Variants in HLA-DPA1 observed in about 807,000 individuals in gnomAD.
The protein encoded by HLA-DPA1 is HLA class II histocompatibility antigen, DP alpha 1 chain.
Under a neutral mutation model 21.5 loss-of-function variants are expected in HLA-DPA1, and 20 were observed. The ratio of observed to expected loss-of-function variants is 0.93; its 90% CI spans 0.66 to 1.35. The LOEUF (loss-of-function observed/expected upper bound fraction) is 1.35, where lower values mean the gene tolerates loss of function less well. Among genes scored for constraint, HLA-DPA1 ranks in the 40% most tolerant of loss-of-function variants. HLA-DPA1 has a pLI of 0.00. For synonymous variants in HLA-DPA1, 123 were observed against 129.6 expected (o/e 0.95, Z 0.35); for missense variants, 279 against 323.0 (o/e 0.86, Z 1.05).
At position 33,074,522 on chromosome 6, in the gene HLA-DPA1, C is replaced by G. The variant is rs139061250; in HGVS notation, c.-99-853G>C. 3.4e-3 allele frequency among the ~76,000 whole-genome samples: 517 copies of G among 152,162 alleles called. 3 individuals carry two copies. The highest frequency in any genetic ancestry group is 0.025 in the East Asian group (131 of 5,186). On this transcript the variant is annotated intron_variant, in intron 1 of 5. Coordinates refer to ENST00000419277, the Ensembl canonical transcript of HLA-DPA1. ...TCATTTTAAATATTTCAATTTTGAG[C>G]TATTTATTTGATACTCATAGAGAAG...
chr6:33,064,946 T>A (rs1761885218), exon 6 of HLA-DPA1: 2 of 152,118 alleles, frequency 1.3e-5, no homozygotes, highest in Non-Finnish European at 2.9e-5. Context: ...AACCACACCT[T>A]CAAGAAATAG....
chr6:33,075,218 G>A (rs1426880488), intron 1 of HLA-DPA1, among the ~76,000 whole-genome samples: 1 of 152,070 alleles, frequency 6.6e-6, no homozygotes, highest in Non-Finnish European at 1.5e-5. Flanking sequence ...AGCAATTTCA[G>A]ACCTATTGAT....
At chr6:33,073,878 C>A (rs1762412393) in intron 1 of HLA-DPA1, 1 of 305,560 alleles carries the variant, frequency 3.3e-6, no homozygotes, top group Non-Finnish European at 6.0e-6. Flanking sequence ...ATAAGTTACA[C>A]CTTCTTCTGA....
intron 1 of HLA-DPA1, among the ~76,000 whole-genome samples, chr6:33,074,380 C>T (rs1028653560): frequency 2.0e-5 from 3 of 151,996 alleles, no homozygotes; most frequent in South Asian, 2.1e-4. Context: ...TAACAATGTG[C>T]GCCCATATTT....
chr6:33,076,611 T>C (rs2071354), intron 1 of HLA-DPA1, among the ~76,000 whole-genome samples: 29,357 of 152,050 alleles, frequency 0.19, 3,463 homozygotes, highest in African/African-American at 0.32. Flanking sequence ...GGAGCCCACA[T>C]CCCTTGGACA....
intron 1 of HLA-DPA1, chr6:33,075,836 C>A: frequency 1.8e-6 from 1 of 560,826 alleles, no homozygotes; most frequent in Non-Finnish European, 3.2e-6. Flanking sequence ...ATTTTCAGAC[C>A]TTTCATACTA....
chr6:33,072,346 GT>G (rs1371714256), intron 2 of HLA-DPA1, among the ~76,000 whole-genome samples: 1 of 152,158 alleles, frequency 6.6e-6, no homozygotes, highest in Non-Finnish European at 1.5e-5. Context: ...AGGCAAGGTT[GT>G]TTTTTATCAG....
At chr6:33,069,101 C>G in exon 4 of HLA-DPA1, 2 of 1,613,048 alleles carry the variant, frequency 1.2e-6, no homozygotes, top group South Asian at 2.2e-5. Flanking sequence ...GCACAAAGGT[C>G]AGGTAATGGA....
intron 1 of HLA-DPA1, among the ~76,000 whole-genome samples, chr6:33,074,902 C>T (rs957160117): frequency 3.3e-5 from 5 of 152,194 alleles, no homozygotes; most frequent in Admixed American, 6.5e-5. Context: ...TACTAGACAC[C>T]TTCTACTACA....
intron 2 of HLA-DPA1, among the ~76,000 whole-genome samples, chr6:33,071,715 A>G (rs1370718953): frequency 6.6e-6 from 1 of 152,226 alleles, no homozygotes; most frequent in Non-Finnish European, 1.5e-5. Flanking sequence ...GTAGGTATAC[A>G]CAAGATGCGA....
rs562633363 is a variant in HLA-DPA1 at position 33,073,485 on chromosome 6, G to C, written c.86C>G (p.Ala29Gly). 8.1e-6 allele frequency: 13 copies of C among 1,611,458 alleles called. No individual in the cohort carries two copies. The South Asian group carries it at 1.4e-4, about 18-fold the overall frequency. ...TGAGCACTCACCCTTGATGGCCCCAGCTCCTCGGAGACTCAGCAGGAAAGC... is the reference window on the plus strand; with the variant it reads ...TGAGCACTCACCCTTGATGGCCCCACCTCCTCGGAGACTCAGCAGGAAAGC... Residue 29 changes from alanine to glycine, a missense_variant, in exon 2 of 6, where the codon GCT becomes GGT. By Grantham distance (60) the Ala-to-Gly change is moderately conservative (BLOSUM62 0). Transcript: ENST00000419277.
At chr6:33,073,514 G>C in exon 2 of HLA-DPA1, 1 of 1,613,032 alleles carries the variant, frequency 6.2e-7, no homozygotes, top group Non-Finnish European at 8.5e-7. Context: ...GGAAAGCCAA[G>C]GAGAGGGCTC....
chr6:33,069,295 G>T (rs1762134780), exon 4 of HLA-DPA1: 5 of 1,611,980 alleles, frequency 3.1e-6, no homozygotes, highest in Non-Finnish European at 4.2e-6. Context: ...GTCACCTCAG[G>T]GGGATCTGGA....
chr6:33,079,595 T>G (rs879241208), intron 1 of HLA-DPA1: 1 of 441,858 alleles, frequency 2.3e-6, no homozygotes, highest in South Asian at 1.8e-5. Context: ...TCGTAGAAGG[T>G]CCAAGGGCCA....
Position 33,069,467 on chromosome 6 carries a change from C to T in HLA-DPA1, c.347-167G>A, listed in dbSNP as rs896773283. 5.7e-5 allele frequency: 59 copies of T among 1,043,196 alleles called. 1 individual carries two copies. The highest frequency in any genetic ancestry group is 8.3e-5 in the Non-Finnish European group (59 of 709,128). The allele number at this position is 1,043,196 out of a possible 1,614,324, so 64.6% of individuals were successfully genotyped here. A position where few individuals can be genotyped will look rare whatever the true frequency, so the allele number is the denominator to read the frequency against. On this transcript the variant is annotated intron_variant, in intron 3 of 5. Coordinates refer to ENST00000419277, the Ensembl canonical transcript of HLA-DPA1. ...CCAGCCTCACTCTGCTCACCTTTCT[C>T]TCTCCTGAGAAGAGAGGATGCAAGC...
At chr6:33,070,401 A>T (rs58510921) in intron 2 of HLA-DPA1, among the ~76,000 whole-genome samples, 43,378 of 151,860 alleles carry the variant, frequency 0.29, 8,097 homozygotes, top group East Asian at 0.66. Flanking sequence ...TCCCATTAAG[A>T]TCTTAATTTT....
intron 1 of HLA-DPA1, among the ~76,000 whole-genome samples, chr6:33,074,066 T>C (rs1762420392): frequency 6.6e-6 from 1 of 152,216 alleles, no homozygotes. Context: ...TAATAAAATA[T>C]ATAATTAATC....
At chr6:33,069,183 T>A in exon 4 of HLA-DPA1, 3 of 1,612,908 alleles carry the variant, frequency 1.9e-6, no homozygotes, top group Non-Finnish European at 2.5e-6. Context: ...CAGCTCCCCG[T>A]TGCACAGCCA....
intron 1 of HLA-DPA1, chr6:33,076,197 G>A (rs546970106): frequency 4.2e-4 from 504 of 1,212,906 alleles, no homozygotes; most frequent in Middle Eastern, 1.3e-3. Context: ...ATTCCTAGGG[G>A]ACGTTATCTT....
Sources: gnomAD v4.1 joint callset for allele counts (sites outside exome capture counted in the v4.1 genomes callset) on GRCh38, gnomAD v4.1.1 for gene constraint, MANE v1.5 for transcripts, NCBI Gene and HGNC (gene_info 2026-07-23, HGNC 2026-07-21) for gene names.